Variants in ANKRD36C observed in about 807,000 individuals in gnomAD.
The protein encoded by ANKRD36C is ankyrin repeat domain 36C.
In ANKRD36C, 61 loss-of-function variants were observed where a neutral mutation model predicts 276.4. The observed-to-expected ratio is 0.22, with a 90% confidence interval of 0.18 to 0.27. ANKRD36C has a LOEUF of 0.27. Ranked by LOEUF, ANKRD36C falls within the 10% of genes least tolerant of loss-of-function variation. ANKRD36C has a pLI of 1.00. For synonymous variants in ANKRD36C, 483 were observed against 680.1 expected (o/e 0.71, Z 4.51); for missense variants, 1,447 against 2,032.3 (o/e 0.71, Z 5.54).
intron 20 of ANKRD36C, among the ~76,000 whole-genome samples, chr2:95,939,340 T>G (rs1677807831): frequency 6.6e-6 from 1 of 152,306 alleles, no homozygotes; most frequent in Non-Finnish European, 1.5e-5. Flanking sequence ...TGACGTCAAA[T>G]GAGAGAACCA....
chr2:95,851,740 T>A lies in ANKRD36C; in HGVS notation c.5267A>T (p.Asp1756Val). 5 of 1,534,920 alleles carry A rather than the reference T, an allele frequency of 3.3e-6. No homozygotes were observed. The South Asian group carries it at 6.0e-5, about 18-fold the overall frequency. ...TTTCTCAAACCGCTCAATTTGTTCA[T>A]CCTGTTTTTTAATAATTTTTCTCAT... Residue 1756 changes from aspartate to valine, a missense_variant, in exon 66 of 67, where the codon GAT becomes GTT. By Grantham distance (152) the Asp-to-Val change is radical (BLOSUM62 -3). Around this residue, in one of 13 missense-constraint regions of ANKRD36C, gnomAD observed 437 missense variants for 641.0 expected, o/e 0.68. Transcript: ENST00000456556.
intron 44 of ANKRD36C, among the ~76,000 whole-genome samples, chr2:95,895,796 T>C (rs1381369455): frequency 9.3e-5 from 14 of 150,986 alleles, no homozygotes. Flanking sequence ...ACCCTTACAA[T>C]TTCAAACATG....
rs540866729 is a variant in ANKRD36C, at chr2:95,910,907, T to C, written c.2653+1337A>G. Among the ~76,000 whole-genome samples the C allele has an allele frequency of 9.8e-4, 149 of 151,446 alleles. 3 individuals carry two copies. The South Asian group carries it at 0.03, about 31-fold the overall frequency. Reference sequence around the variant, plus strand: ...AGCAACTCAGACACCTGAGAATCAATGTCAAAGCAGGTGCCACATGATCCC... The same window carrying C: ...AGCAACTCAGACACCTGAGAATCAACGTCAAAGCAGGTGCCACATGATCCC... On this transcript the variant is annotated intron_variant, in intron 42 of 66. Coordinates refer to ENST00000456556, the Ensembl canonical transcript of ANKRD36C.
chr2:95,927,427 T>A lies in ANKRD36C; in HGVS notation c.1838-18A>T, dbSNP rs774876544. The A allele has an allele frequency of 1.2e-5, 20 of 1,605,632 alleles. No individual in the cohort carries two copies. The African/African-American group carries it at 1.3e-4, about 11-fold the overall frequency. ...AGAAGACACTGAAAAGCAAAAGGGA[T>A]ACATAATCACTCACATGTACATATG... On this transcript the variant is annotated intron_variant, in intron 26 of 66. Transcript: ENST00000456556.
At position 95,972,297 on chromosome 2, in the gene ANKRD36C, A is replaced by T. The variant is rs191965828; in HGVS notation, c.799+5825T>A. Among the ~76,000 whole-genome samples, 273 of 152,288 alleles carry T rather than the reference A, an allele frequency of 1.8e-3. 1 individual carries two copies. The highest frequency in any genetic ancestry group is 6.8e-3 in the Middle Eastern group (2 of 294). On this transcript the variant is annotated intron_variant, in intron 6 of 66. Coordinates refer to ENST00000456556, the Ensembl canonical transcript of ANKRD36C. ...AGTGTGGAATTTTTGTATATGTGTG[A>T]GACAGAATGCCTATGTAACTAGTTT...
At chr2:95,913,673 T>C (rs1255297164) in intron 40 of ANKRD36C, among the ~76,000 whole-genome samples, 7 of 151,410 alleles carry the variant, frequency 4.6e-5, no homozygotes, top group Non-Finnish European at 1.5e-5. Flanking sequence ...CTTAGGAAAA[T>C]AGTTGCTACA....
At chr2:95,856,396 A>G (rs1675412808) in intron 62 of ANKRD36C, among the ~76,000 whole-genome samples, 1 of 152,186 alleles carries the variant, frequency 6.6e-6, no homozygotes, top group Admixed American at 6.5e-5. Context: ...TGAATCCATG[A>G]AAGCAAAAAA....
chr2:95,925,059 G>A (rs886483931), intron 30 of ANKRD36C, among the ~76,000 whole-genome samples: 5 of 151,474 alleles, frequency 3.3e-5, no homozygotes, highest in African/African-American at 1.2e-4. Context: ...ATAGAAACAT[G>A]CTCTGAAATA....
exon 61 of ANKRD36C, chr2:95,860,020 G>A (rs78780931): frequency 6.5e-7 from 1 of 1,547,340 alleles, no homozygotes; most frequent in Non-Finnish European, 8.7e-7. Flanking sequence ...TTTAAGTTCT[G>A]TTAATCTTTT....
In ANKRD36C at chr2:95,921,829, A is replaced by C. The variant is rs755891228; in HGVS notation, c.2144-19T>G. 16 of 1,591,736 alleles carry C rather than the reference A, an allele frequency of 1.0e-5. No individual in the cohort carries two copies. In the Admixed American group the frequency reaches 1.4e-4, roughly 14 times the overall value. On this transcript the variant is annotated intron_variant, in intron 32 of 66. Coordinates refer to ENST00000456556, the Ensembl canonical transcript of ANKRD36C. ...GAAGACACTGAAAAACAAAAGGGATAATCACTCATATGTAAATATGATACA... is the reference window on the plus strand; with the variant it reads ...GAAGACACTGAAAAACAAAAGGGATCATCACTCATATGTAAATATGATACA...
At chr2:95,921,702 T>C in intron 33 of ANKRD36C, 23 bp from the exon 34 acceptor site, 2 of 1,587,860 alleles carry the variant, frequency 1.3e-6, no homozygotes, top group Non-Finnish European at 1.7e-6. Flanking sequence ...TGAAAGAAAA[T>C]AATAAATAAA....
chr2:95,875,755 G>A (rs1379993457), intron 59 of ANKRD36C, among the ~76,000 whole-genome samples: 1 of 151,978 alleles, frequency 6.6e-6, no homozygotes, highest in African/African-American at 2.4e-5. Context: ...GATTGACAGT[G>A]TTATATATTT....
At chr2:95,903,202 C>G in intron 42 of ANKRD36C, 121 bp from the exon 53 acceptor site, 1 of 1,472,114 alleles carries the variant, frequency 6.8e-7, no homozygotes, top group East Asian at 2.5e-5. Flanking sequence ...GCTTTGATGG[C>G]TTCTACTTTG....
exon 37 of ANKRD36C, chr2:95,916,169 A>G (rs1677090073): frequency 2.5e-6 from 4 of 1,604,942 alleles, no homozygotes; most frequent in Non-Finnish European, 2.5e-6. Flanking sequence ...TTCCGAGAAG[A>G]CACTGAAAAG....
At chr2:95,902,561 C>T (rs1676685183) in intron 42 of ANKRD36C, among the ~76,000 whole-genome samples, 1 of 150,146 alleles carries the variant, frequency 6.7e-6, no homozygotes, top group African/African-American at 2.4e-5. Context: ...TCTATACTTC[C>T]TCTCTTTCTC....
rs752557310 is a variant in ANKRD36C at position 95,980,758 on chromosome 2, A to G, written c.621T>C (p.Leu207=). The change falls in exon 5 of 67, where the codon CTT becomes CTC. Residue 207 remains leucine (L), a synonymous_variant. Coordinates refer to ENST00000456556, the Ensembl canonical transcript of ANKRD36C. ...GAAGAATGACTATATCTTTTTCTCC[A>G]AGAGTAACAGCATGTATGAGGGCTG... The G allele has an allele frequency of 7.5e-6, 12 of 1,601,732 alleles. No individual in the cohort carries two copies. The South Asian group carries it at 7.8e-5, about 10-fold the overall frequency.
At chr2:95,947,991 T>C (rs1038229464) in intron 17 of ANKRD36C, among the ~76,000 whole-genome samples, 6 of 152,066 alleles carry the variant, frequency 3.9e-5, no homozygotes, top group African/African-American at 1.4e-4. Flanking sequence ...AGCCTAAATA[T>C]ATAGAACCAA....
intron 6 of ANKRD36C, among the ~76,000 whole-genome samples, chr2:95,977,628 T>C (rs1260238517): frequency 6.6e-6 from 1 of 152,026 alleles, no homozygotes; most frequent in Non-Finnish European, 1.5e-5. Flanking sequence ...CTTACTTTCT[T>C]GTATTCAGAA....
At chr2:95,918,102 A>G in intron 34 of ANKRD36C, 60 bp from the exon 37 acceptor site, 12 of 1,575,482 alleles carry the variant, frequency 7.6e-6, no homozygotes, top group Non-Finnish European at 9.5e-6. Context: ...TTATCCATAC[A>G]TTCACACAGT....
Sources: gnomAD v4.1 joint callset for allele counts (sites outside exome capture counted in the v4.1 genomes callset) on GRCh38, gnomAD v4.1.1 for gene constraint, gnomAD v4.1.1 regional missense constraint, MANE v1.5 for transcripts, NCBI Gene and HGNC (gene_info 2026-07-23, HGNC 2026-07-21) for gene names.